ABCC11: variants seen among roughly 807,000 people sequenced by gnomAD.
ABCC11 encodes the protein ATP binding cassette subfamily C member 11, also known as ATP-binding cassette sub-family C member 11.
In ABCC11, 135 loss-of-function variants were observed where a neutral mutation model predicts 149.3. The ratio of observed to expected loss-of-function variants is 0.90; its 90% CI spans 0.79 to 1.04. ABCC11 has a LOEUF of 1.04. Among genes scored for constraint, ABCC11 ranks in the 50% least tolerant of loss-of-function variants. The pLI is 0.00. For missense variants in ABCC11, 1,680 were observed against 1,722.1 expected (o/e 0.98, Z 0.43); for synonymous variants, 665 against 671.4 (o/e 0.99, Z 0.15).
intron 26 of ABCC11, among the ~76,000 whole-genome samples, chr16:48,174,487 G>A (rs1965910351): frequency 6.6e-6 from 1 of 152,176 alleles, no homozygotes; most frequent in African/African-American, 2.4e-5. Context: ...CAGATAAAGT[G>A]CATTGTCAGT....
Position 48,175,161 on chromosome 16 carries a change from C to T in ABCC11, c.3698+97G>A, listed in dbSNP as rs1157960853. On this transcript the variant is annotated intron_variant, in intron 26 of 29. Coordinates refer to ENST00000356608, the MANE Select transcript of ABCC11 (RefSeq NM_001370497.1). ...CAGCAGGCCAAGGAGGCCTGGAAAT[C>T]GGGGCATTGGTCACCAGCTCACTAT... is the stretch of plus-strand genomic sequence containing the variant. 2.8e-5 allele frequency: 41 copies of T among 1,455,166 alleles called. No homozygotes were observed. In the Admixed American group the frequency reaches 4.2e-4, roughly 15 times the overall value. 90.1% of individuals were successfully genotyped at this position (1,455,166 alleles called of 1,614,324 possible). A position where few individuals can be genotyped will look rare whatever the true frequency, so the allele number is the denominator to read the frequency against.
At chr16:48,244,988 A>T (rs1278261980) in intron 1 of ABCC11, among the ~76,000 whole-genome samples, 2 of 151,832 alleles carry the variant, frequency 1.3e-5, no homozygotes, top group African/African-American at 4.8e-5. Context: ...CTCTGCCTTC[A>T]CTTGCCTTCG....
intron 1 of ABCC11, among the ~76,000 whole-genome samples, chr16:48,235,772 A>G (rs1387771724): frequency 6.6e-6 from 1 of 152,256 alleles, no homozygotes; most frequent in Non-Finnish European, 1.5e-5. Context: ...AATAAAATAG[A>G]GAGGAAACAG....
chr16:48,171,051 A>G, intron 26 of ABCC11, 84 bp from the exon 27 acceptor site: 1 of 1,213,350 alleles, frequency 8.2e-7, no homozygotes. Flanking sequence ...ATGACCAAGA[A>G]TGTTTAGAAC....
Position 48,227,983 on chromosome 16 carries a change from G to C in ABCC11, c.237-19C>G, listed in dbSNP as rs762581914. The stretch of plus-strand genomic sequence containing the variant: ...AGGAAACCTAGTAGAGGGGCCACAA[G>C]GATAAGAATGAATTCAGGATCAAGA... On this transcript the variant is annotated intron_variant, in intron 3 of 29. Coordinates refer to ENST00000356608, the MANE Select transcript of ABCC11 (RefSeq NM_001370497.1). The C allele has an allele frequency of 6.3e-7, 1 of 1,590,840 alleles. No homozygotes were observed. The highest frequency in any genetic ancestry group is 1.1e-5 in the South Asian group (1 of 89,130).
At chr16:48,197,925 C>A in intron 17 of ABCC11, 46 bp downstream of exon 17, 1 of 1,600,242 alleles carries the variant, frequency 6.2e-7, no homozygotes, top group East Asian at 2.2e-5. Context: ...TCTGGAGGAC[C>A]CAGGCAGGCA....
At chr16:48,178,970 G>A (rs1966263152) in intron 23 of ABCC11, among the ~76,000 whole-genome samples, 1 of 152,098 alleles carries the variant, frequency 6.6e-6, no homozygotes, top group Non-Finnish European at 1.5e-5. Context: ...CCACATCACA[G>A]CAACCACCTA....
rs567458606 is a variant in ABCC11 at position 48,192,591 on chromosome 16, A to G, written c.2635T>C (p.Cys879Arg). 1.2e-5 allele frequency: 19 copies of G among 1,614,134 alleles called. No individual in the cohort carries two copies. The highest frequency in any genetic ancestry group is 1.6e-5 in the Non-Finnish European group (19 of 1,180,052). The change falls in exon 20 of 30, where the codon TGC becomes CGC. Residue 879 changes from cysteine (C) to arginine (R), a missense_variant. Physicochemically the swap from Cys to Arg is radical, Grantham distance 180 (BLOSUM62 -3). Transcript: ENST00000356608. ...NALLLICVGVCSSGIFTKVTR... is the reference protein window; with the variant it reads ...NALLLICVGVRSSGIFTKVTR... ...ACCTTGGTGAAAATCCCTGAGGAGC[A>G]GACCCCCACACAGATGAGGAGCAGG...
At chr16:48,173,732 C>T (rs2150722971) in intron 26 of ABCC11, among the ~76,000 whole-genome samples, 1 of 152,332 alleles carries the variant, frequency 6.6e-6, no homozygotes, top group East Asian at 1.9e-4. Flanking sequence ...TCATGCGATT[C>T]ACGTGCCTCA....
intron 1 of ABCC11, among the ~76,000 whole-genome samples, chr16:48,241,188 G>A (rs932814431): frequency 3.9e-5 from 6 of 152,098 alleles, no homozygotes; most frequent in Non-Finnish European, 7.4e-5. Context: ...CACCCATCTC[G>A]GCCTCCCAAA....
intron 22 of ABCC11, among the ~76,000 whole-genome samples, chr16:48,185,869 C>T (rs1361320671): frequency 1.3e-5 from 2 of 152,172 alleles, no homozygotes; most frequent in African/African-American, 4.8e-5. Context: ...ATCCTTCAAA[C>T]CTACTTCCCC....
intron 18 of ABCC11, among the ~76,000 whole-genome samples, chr16:48,195,941 C>T (rs1967363719): frequency 6.6e-6 from 1 of 152,082 alleles, no homozygotes; most frequent in Admixed American, 6.6e-5. Flanking sequence ...CAAGACCAGC[C>T]TGGTCAACAT....
chr16:48,193,391 C>T (rs1567502430), intron 19 of ABCC11, among the ~76,000 whole-genome samples: 1 of 152,190 alleles, frequency 6.6e-6, no homozygotes, highest in Admixed American at 6.5e-5. Context: ...CTGTCCTGTC[C>T]TAGGGCAGGT....
At chr16:48,190,620 C>T (rs960460247) in intron 20 of ABCC11, among the ~76,000 whole-genome samples, 3 of 152,200 alleles carry the variant, frequency 2.0e-5, no homozygotes, top group Non-Finnish European at 4.4e-5. Context: ...CACCTCAGGC[C>T]TCCCAAAATG....
chr16:48,222,573 A>G (rs16945972), intron 6 of ABCC11, 25 bp downstream of exon 6: 155,660 of 1,599,962 alleles, frequency 0.097, 9,592 homozygotes, highest in African/African-American at 0.3. Context: ...AGCATGGCCC[A>G]GAATAGGCAG....
intron 23 of ABCC11, 85 bp downstream of exon 23, chr16:48,184,355 C>T (rs1966623825): frequency 2.0e-6 from 3 of 1,497,012 alleles, no homozygotes; most frequent in Admixed American, 3.9e-5. Context: ...CATTGAACAC[C>T]TGAGGACCCC....
chr16:48,219,534 CAG>C (rs1334553492), intron 6 of ABCC11, among the ~76,000 whole-genome samples: 1 of 152,066 alleles, frequency 6.6e-6, no homozygotes, highest in Non-Finnish European at 1.5e-5. Flanking sequence ...TCTCTGGGCA[CAG>C]GGGAAGAAAC....
chr16:48,221,992 C>A (rs1596817129), intron 6 of ABCC11, among the ~76,000 whole-genome samples: 2 of 151,362 alleles, frequency 1.3e-5, no homozygotes, highest in Non-Finnish European at 2.9e-5. Context: ...TGGCTCACTG[C>A]AGCCTCAACC....
chr16:48,244,369 C>T, intron 1 of ABCC11: 1 of 1,509,146 alleles, frequency 6.6e-7, no homozygotes, highest in South Asian at 1.2e-5. Context: ...TGACAGCCCC[C>T]AGTGCGAAAG....
Sources: allele counts gnomAD v4.1 joint callset (sites outside exome capture counted in the v4.1 genomes callset), GRCh38; gene constraint gnomAD v4.1.1; transcripts MANE v1.5; gene names NCBI Gene and HGNC (gene_info 2026-07-23, HGNC 2026-07-21).